The following MCM7 variants were observed in gnomAD, a reference collection of about 807,000 sequenced individuals.
MCM7 encodes the protein DNA replication licensing factor MCM7.
Under a neutral mutation model 83.5 loss-of-function variants are expected in MCM7, and 95 were observed. The observed-to-expected ratio is 1.14, with a 90% CI of 0.96 to 1.35. MCM7 has a LOEUF of 1.35. Among genes scored for constraint, MCM7 ranks in the 40% most tolerant of loss-of-function variants. MCM7 has a pLI of 0.00. For missense variants in MCM7, 1,087 were observed against 957.4 expected, an observed-to-expected ratio of 1.14 and a Z score of -1.79; for synonymous variants, 461 against 352.7, an observed-to-expected ratio of 1.31 and a Z score of -3.44.
Position 100,099,333 on chromosome 7 carries a change from G to A in MCM7, c.347C>T (p.Pro116Leu). Reference sequence around the variant, plus strand: ...GTTCTGGGGGCTTCGGACCATCCCAGGGTCCCGACTCCGCTGCTCCATCAT... The same window carrying A: ...GTTCTGGGGGCTTCGGACCATCCCAAGGTCCCGACTCCGCTGCTCCATCAT... ...RLMMEQRSRDPGMVRSPQNQY... is the reference protein window; with the variant it reads ...RLMMEQRSRDLGMVRSPQNQY... Residue 116 changes from proline (P) to leucine (L), a missense_variant, in exon 4 of 15, where the codon CCT becomes CTT. Physicochemically the swap from Pro to Leu is moderately conservative, Grantham distance 98. Transcript: ENST00000303887. 3 of 1,613,836 alleles carry A rather than the reference G, an allele frequency of 1.9e-6. No homozygotes were observed. Among genetic ancestry groups the A allele is most frequent in the Non-Finnish European group, 2.5e-6 (3 of 1,179,982 alleles).
At chr7:100,100,617 C>T (rs1795936453) in intron 1 of MCM7, 2 of 991,072 alleles carry the variant, frequency 2.0e-6, no homozygotes, top group African/African-American at 3.5e-5. Flanking sequence ...AGCCATTGGC[C>T]ATCACACCCA....
Position 100,094,424 on chromosome 7 carries a change from G to A in MCM7, c.1680-83C>T, listed in dbSNP as rs979703030. On this transcript the variant is annotated intron_variant, in intron 12 of 14. Coordinates refer to ENST00000303887, the MANE Select transcript of MCM7 (RefSeq NM_005916.5). ...GAGCCCATGTTGTTTTCTGTACCAG[G>A]GCTCCCCATTTAACATGGTCCCCTC... 11 of 1,513,980 alleles carry A rather than the reference G, an allele frequency of 7.3e-6. No homozygotes were observed. In the African/African-American group the frequency reaches 1.2e-4, roughly 17 times the overall value. The allele number at this position is 1,513,980 out of a possible 1,614,324, so 93.8% of individuals were successfully genotyped here.
rs1428761330 is a variant in MCM7 at position 100,101,264 on chromosome 7, C to T, written c.31G>A (p.Glu11Lys). The change falls in exon 1 of 15, where the codon GAA (glutamate) becomes AAA (lysine). Residue 11 changes from glutamate (E) to lysine (K), a missense_variant and splice_region_variant. By Grantham distance (56) the Glu-to-Lys change is moderately conservative (BLOSUM62 1). Coordinates refer to ENST00000303887, the MANE Select transcript of MCM7 (RefSeq NM_005916.5). ...CCCTCCCGGGCTCGTAGACCCGTAC[C>T]CTTCTCTAGCGCGTAGTCCTTCAGT... Reference protein sequence around the residue: MALKDYALEKEKVKKFLQEFY... With the variant: MALKDYALEKKKVKKFLQEFY... The T allele has an allele frequency of 1.9e-6, 3 of 1,613,244 alleles. No homozygotes were observed. Among genetic ancestry groups the T allele is most frequent in the Non-Finnish European group, 2.5e-6 (3 of 1,179,898 alleles).
chr7:100,093,154 T>G (rs1401041721), intron 14 of MCM7, 21 bp from the exon 15 acceptor site: 1 of 1,612,300 alleles, frequency 6.2e-7, no homozygotes, highest in Non-Finnish European at 8.5e-7. Context: ...TGAGTGGGTG[T>G]GTAAGGTCAG....
At chr7:100,094,985 T>C (rs1265782108) in intron 12 of MCM7, among the ~76,000 whole-genome samples, 5 of 152,056 alleles carry the variant, frequency 3.3e-5, no homozygotes, top group Admixed American at 3.3e-4. Context: ...GAGGTGGGCA[T>C]CCTGGCCAAC....
Position 100,096,006 on chromosome 7 carries a change from G to C in MCM7, c.1363C>G (p.Arg455Gly). ...DEFDKMAEAD[R>G]TAIHEVMEQQ... ...TCCATGACCTCGTGGATGGCTGTGC[G>C]GTCGGCCTCAGCCATCTTGTCGAAC... is the stretch of plus-strand genomic sequence containing the variant. The change falls in exon 11 of 15, where the codon CGC becomes GGC. Residue 455 changes from arginine to glycine, a missense_variant. Coordinates refer to ENST00000303887, the MANE Select transcript of MCM7 (RefSeq NM_005916.5). The C allele has an allele frequency of 1.2e-6, 2 of 1,613,992 alleles. No individual in the cohort carries two copies. Among genetic ancestry groups the C allele is most frequent in the Non-Finnish European group, 1.7e-6 (2 of 1,179,996 alleles).
intron 14 of MCM7, 28 bp downstream of exon 14, chr7:100,093,264 C>T: frequency 1.9e-6 from 3 of 1,600,262 alleles, no homozygotes; most frequent in East Asian, 4.5e-5. Context: ...CAAAGTGACA[C>T]AGCTTTGTCC....
In MCM7 at chr7:100,093,067, G is replaced by C. The variant is rs4928; in HGVS notation, c.2025C>G (p.Val675=). ...VRELVSGGRS[V]RFSEAEQRCV... ...AGCGCTGCTCTGCCTCAGAGAACCG[G>C]ACACTTCGGCCCCCTGAGACCAGTT... is the stretch of plus-strand genomic sequence containing the variant. Residue 675 remains valine, a synonymous_variant, in exon 15 of 15, where the codon GTC becomes GTG. Coordinates refer to ENST00000303887, the MANE Select transcript of MCM7 (RefSeq NM_005916.5). The C allele has an allele frequency of 0.043, 70,090 of 1,614,184 alleles. 1,612 individuals are homozygous for C. Among genetic ancestry groups the C allele is most frequent in the Middle Eastern group, 0.055 (336 of 6,062 alleles).
chr7:100,100,352 T>C (rs1230601051), intron 1 of MCM7: 1 of 1,140,714 alleles, frequency 8.8e-7, no homozygotes, highest in Non-Finnish European at 1.1e-6. Flanking sequence ...TTTAAAATTC[T>C]AGCGCCCTTC....
intron 1 of MCM7, 36 bp downstream of exon 1, chr7:100,101,228 C>A: frequency 6.2e-7 from 1 of 1,612,460 alleles, no homozygotes; most frequent in South Asian, 1.1e-5. Context: ...GGAGGCTCCC[C>A]GCGCAGGACG....
rs1562896812 is a variant in MCM7 at position 100,097,871 on chromosome 7, A to G, written c.948T>C (p.Ala316=). The G allele has an allele frequency of 6.2e-7, 1 of 1,614,116 alleles. No homozygotes were observed. ...TCAGCTCCTCCCTGGTGAGCTCTCC[A>G]GCCCCAGACTCATCATCCTCACTCT... ...MNKSEDDESG[A]GELTREELRQ... is the part of the protein sequence containing the mutation. Residue 316 remains alanine (A), a synonymous_variant, in exon 8 of 15, where the codon GCT becomes GCC. Transcript: ENST00000303887.
At position 100,095,453 on chromosome 7, in the gene MCM7, G is replaced by A; in HGVS notation, c.1613C>T (p.Thr538Ile). The A allele has an allele frequency of 6.2e-7, 1 of 1,614,152 alleles. No individual in the cohort carries two copies. The highest frequency in any genetic ancestry group is 8.5e-7 in the Non-Finnish European group (1 of 1,180,024). ...CTGCCGGCTGTGCTGGTGCACATAG[G>A]TGATGTGCTGGGCCAACCTGGACAG... ...DNDLRLAQHITYVHQHSRQPP... is the reference protein window; with the variant it reads ...DNDLRLAQHIIYVHQHSRQPP... The change falls in exon 12 of 15, where the codon ACC becomes ATC. Residue 538 changes from threonine (T) to isoleucine (I), a missense_variant. Transcript: ENST00000303887.
intron 9 of MCM7, 24 bp from the exon 10 acceptor site, chr7:100,097,408 G>A: frequency 6.2e-7 from 1 of 1,611,284 alleles, no homozygotes; most frequent in Non-Finnish European, 8.5e-7. Context: ...AGGCAGCCCT[G>A]GAATGACTCT....
At chr7:100,095,279 C>T (rs570988737) in intron 12 of MCM7, 108 bp downstream of exon 12, 13 of 917,380 alleles carry the variant, frequency 1.4e-5, no homozygotes, top group East Asian at 5.3e-5. Context: ...ATGTCTGTAG[C>T]GGGAAGTGGT....
intron 2 of MCM7, 50 bp downstream of exon 2, chr7:100,099,964 G>A (rs746322823): frequency 2.3e-5 from 36 of 1,535,616 alleles, no homozygotes; most frequent in Admixed American, 8.5e-5. Flanking sequence ...GCTGCTTATG[G>A]CTCCTTAAGC....
chr7:100,097,091 C>A (rs1332965530), intron 10 of MCM7, among the ~76,000 whole-genome samples: 2 of 152,068 alleles, frequency 1.3e-5, no homozygotes, highest in Admixed American at 6.6e-5. Context: ...AAAGAGCAAG[C>A]CTCTATCTCA....
chr7:100,099,421 A>C lies in MCM7; in HGVS notation c.277-18T>G, dbSNP rs1418700583. On this transcript the variant is annotated intron_variant, in intron 3 of 14. Coordinates refer to ENST00000303887, the MANE Select transcript of MCM7 (RefSeq NM_005916.5). ...TTTACCACCTAAAGGAGAAGAACAAAAAAAAAAAAAAAAAAGAGCAACAGG... is the reference window on the plus strand; with the variant it reads ...TTTACCACCTAAAGGAGAAGAACAACAAAAAAAAAAAAAAAGAGCAACAGG... The C allele has an allele frequency of 3.2e-6, 4 of 1,244,176 alleles. No homozygotes were observed. The highest frequency in any genetic ancestry group is 1.4e-5 in the South Asian group (1 of 70,778). The allele number at this position is 1,244,176 out of a possible 1,614,324, so 77.1% of individuals were successfully genotyped here. A position where few individuals can be genotyped will look rare whatever the true frequency, so the allele number is the denominator to read the frequency against.
chr7:100,100,441 C>T (rs1795915628), intron 1 of MCM7: 4 of 1,007,614 alleles, frequency 4.0e-6, no homozygotes, highest in Non-Finnish European at 4.7e-6. Flanking sequence ...TCTTTGGGTC[C>T]CCTTAGCCCC....
At chr7:100,096,859 T>C (rs1030920461) in intron 10 of MCM7, among the ~76,000 whole-genome samples, 1 of 151,396 alleles carries the variant, frequency 6.6e-6, no homozygotes, top group African/African-American at 2.4e-5. Context: ...TCCCAGCACT[T>C]TGGGAGGCCG....
Sources: allele counts gnomAD v4.1 joint callset (sites outside exome capture counted in the v4.1 genomes callset), GRCh38; gene constraint gnomAD v4.1.1; transcripts MANE v1.5; gene names NCBI Gene and HGNC (gene_info 2026-07-23, HGNC 2026-07-21).